Variants in SGCD observed in about 807,000 individuals in gnomAD.
SGCD encodes sarcoglycan delta, also known as delta-sarcoglycan.
SGCD carries 18 observed loss-of-function variants against 36.6 expected under a neutral mutation model. The ratio of observed to expected loss-of-function variants is 0.49; its 90% CI spans 0.34 to 0.73. The LOEUF is 0.73. SGCD is among the 30% of genes least tolerant of loss of function. The pLI, the probability that SGCD is intolerant of heterozygous loss-of-function variation, is 0.01. For synonymous variants in SGCD, 133 were observed against 130.6 expected, an observed-to-expected ratio of 1.02 and a Z score of -0.12; for missense variants, 387 against 346.7, an observed-to-expected ratio of 1.12 and a Z score of -0.92.
intron 3 of SGCD, among the ~76,000 whole-genome samples, chr5:156,471,272 C>A (rs1326621753): frequency 6.6e-6 from 1 of 152,006 alleles, no homozygotes; most frequent in African/African-American, 2.4e-5. Context: ...ATGATCAGTG[C>A]CAAACAGGCT....
chr5:155,830,735 A>G, the SGCD span, among the ~76,000 whole-genome samples: 2 of 152,244 alleles, frequency 1.3e-5, no homozygotes, highest in Admixed American at 1.3e-4. Flanking sequence ...TAAAATTAAA[A>G]TGAAGTCATT....
rs531389730 is a variant in SGCD at position 156,497,563 on chromosome 5, A to G, written c.193-11038A>G. On this transcript the variant is annotated intron_variant, in intron 3 of 8. Coordinates refer to ENST00000337851, the MANE Select transcript of SGCD (RefSeq NM_000337.6). ...ACAGTTTTGATCCACTGAGGCAGCA[A>G]AGCAATTTGACAGTTACATATGTAT... is the stretch of plus-strand genomic sequence containing the variant. 5.9e-5 allele frequency among the ~76,000 whole-genome samples: 9 copies of G among 151,980 alleles called. No homozygotes were observed. The South Asian group carries it at 1.9e-3, about 32-fold the overall frequency.
At chr5:156,539,729 G>A (rs541902830) in intron 4 of SGCD, among the ~76,000 whole-genome samples, 81 of 152,128 alleles carry the variant, frequency 5.3e-4, no homozygotes, top group African/African-American at 8.4e-4. Flanking sequence ...ATGGTTGTGC[G>A]TCTATCTTTT....
intron 3 of SGCD, among the ~76,000 whole-genome samples, chr5:156,464,621 C>T (rs928133245): frequency 6.6e-6 from 1 of 152,118 alleles, no homozygotes; most frequent in Non-Finnish European, 1.5e-5. Context: ...CTTAGAGACC[C>T]TTGTTGAAAT....
chr5:156,113,486 G>C (rs1191235587), intron 1 of SGCD, among the ~76,000 whole-genome samples: 1 of 152,142 alleles, frequency 6.6e-6, no homozygotes, highest in Non-Finnish European at 1.5e-5. Context: ...ATCAGCCTCA[G>C]CATGCTGCCT....
intron 7 of SGCD, among the ~76,000 whole-genome samples, chr5:156,675,508 C>A (rs1373368624): frequency 3.9e-5 from 6 of 152,074 alleles, no homozygotes; most frequent in Non-Finnish European, 8.8e-5. Context: ...CCAGGCTGGT[C>A]CCAAAATTAA....
chr5:156,323,938 T>G (rs888813023), upstream of SGCD, among the ~76,000 whole-genome samples: 4 of 152,250 alleles, frequency 2.6e-5, no homozygotes, highest in Non-Finnish European at 4.4e-5. Context: ...TTTGAGCATT[T>G]ACTGTGTGCC....
At chr5:156,688,401 C>T (rs1201215686) in intron 7 of SGCD, among the ~76,000 whole-genome samples, 3 of 152,112 alleles carry the variant, frequency 2.0e-5, no homozygotes, top group African/African-American at 7.2e-5. Flanking sequence ...CTCATTTGAT[C>T]TTCATAATAA....
intron 2 of SGCD, among the ~76,000 whole-genome samples, chr5:156,341,126 A>G (rs1306879415): frequency 6.6e-6 from 1 of 152,150 alleles, no homozygotes; most frequent in East Asian, 1.9e-4. Flanking sequence ...AAAAGATCCA[A>G]GTTATAATTC....
chr5:156,522,951 T>C (rs1452029212), intron 4 of SGCD, among the ~76,000 whole-genome samples: 1 of 152,216 alleles, frequency 6.6e-6, no homozygotes, highest in Non-Finnish European at 1.5e-5. Context: ...ATTGTTATTT[T>C]TGATTCTGTC....
chr5:156,119,450 C>T (rs1269543686), intron 2 of SGCD, among the ~76,000 whole-genome samples: 1 of 152,040 alleles, frequency 6.6e-6, no homozygotes, highest in Non-Finnish European at 1.5e-5. Flanking sequence ...TATTGGGAAG[C>T]ATTGTTGGCA....
chr5:155,933,983 G>C lies in SGCD; in HGVS notation c.-282+63559G>C, dbSNP rs148828735. 1.3e-3 allele frequency among the ~76,000 whole-genome samples: 195 copies of C among 152,292 alleles called. 1 individual carries two copies. Among genetic ancestry groups the C allele is most frequent in the South Asian group, 3.1e-3 (15 of 4,828 alleles). On this transcript the variant is annotated intron_variant, in intron 1 of 9. Transcript: ENST00000517913. Reference sequence around the variant, plus strand: ...AATGAAACCATGATCTAGGTGCCTGGAACATTAGGACACTGCCATGTGGGA... The same window carrying C: ...AATGAAACCATGATCTAGGTGCCTGCAACATTAGGACACTGCCATGTGGGA...
chr5:156,327,045 T>C (rs1767842528), upstream of SGCD: 1 of 152,470 alleles, frequency 6.6e-6, no homozygotes, highest in Admixed American at 6.5e-5. Flanking sequence ...GTTCAGGAAA[T>C]TCTTCAGGCA....
intron 4 of SGCD, among the ~76,000 whole-genome samples, chr5:156,548,133 TTCTC>T (rs1271271455): frequency 6.6e-6 from 1 of 152,192 alleles, no homozygotes; most frequent in African/African-American, 2.4e-5. Context: ...GTGAGAATGT[TTCTC>T]TCCCAGAAAC....
intron 4 of SGCD, among the ~76,000 whole-genome samples, chr5:156,572,160 T>G (rs569163334): frequency 2.6e-5 from 4 of 152,316 alleles, no homozygotes; most frequent in African/African-American, 9.6e-5. Flanking sequence ...ATTGGGCATT[T>G]GTATTGTTTC....
intron 3 of SGCD, among the ~76,000 whole-genome samples, chr5:156,278,384 G>A (rs1443743854): frequency 6.6e-6 from 1 of 152,152 alleles, no homozygotes; most frequent in African/African-American, 2.4e-5. Flanking sequence ...ACTGATTGAA[G>A]TGAAACAAGG....
chr5:155,828,471 T>C, the SGCD span, among the ~76,000 whole-genome samples: 22 of 152,204 alleles, frequency 1.4e-4, 1 homozygote, highest in African/African-American at 4.8e-4. Context: ...GCAATGATTC[T>C]GTTAAGAAAA....
At position 156,049,173 on chromosome 5, in the gene SGCD, T is replaced by C. The variant is rs1299103074; in HGVS notation, c.-281-68705T>C. ...TATTTCTGAGGGCTCTGTTCTGTTCTGTTGGTCTATATCTCTGTTTTGGTA... is the reference window on the plus strand; with the variant it reads ...TATTTCTGAGGGCTCTGTTCTGTTCCGTTGGTCTATATCTCTGTTTTGGTA... On this transcript the variant is annotated intron_variant, in intron 1 of 9. Coordinates refer to the SGCD transcript ENST00000517913. Among the ~76,000 whole-genome samples, 25 of 146,212 alleles carry C rather than the reference T, an allele frequency of 1.7e-4. 1 individual carries two copies. Among genetic ancestry groups the C allele is most frequent in the Non-Finnish European group, 2.3e-4 (15 of 64,756 alleles).
chr5:155,740,801 G>T, the SGCD span, among the ~76,000 whole-genome samples: 5 of 152,232 alleles, frequency 3.3e-5, no homozygotes, highest in African/African-American at 1.2e-4. Context: ...AGAAACAAGT[G>T]TAATTTATTA....
Sources: gnomAD v4.1 joint callset for allele counts (sites outside exome capture counted in the v4.1 genomes callset) on GRCh38, gnomAD v4.1.1 for gene constraint, MANE v1.5 for transcripts, NCBI Gene and HGNC (gene_info 2026-07-23, HGNC 2026-07-21) for gene names.